CNNM4: variants seen among roughly 807,000 people sequenced by gnomAD.
The protein encoded by CNNM4 is metal transporter CNNM4.
CNNM4 carries 32 observed loss-of-function variants against 53.7 expected under a neutral mutation model. The observed-to-expected ratio is 0.60, with a 90% CI of 0.45 to 0.80. The LOEUF is 0.80. CNNM4 is among the 30% of genes least tolerant of loss of function. The pLI, the probability that CNNM4 is intolerant of heterozygous loss-of-function variation, is 0.00. For synonymous variants in CNNM4, 410 were observed against 440.0 expected (o/e 0.93, Z 0.85); for missense variants, 784 against 1,022.0 (o/e 0.77, Z 3.17).
chr2:96,785,144 C>T (rs933377756), intron 1 of CNNM4, among the ~76,000 whole-genome samples: 3 of 152,068 alleles, frequency 2.0e-5, no homozygotes, highest in African/African-American at 7.2e-5. Flanking sequence ...TCCCAACGTG[C>T]TGGGATTACA....
chr2:96,771,293 C>CT lies in CNNM4; in HGVS notation c.1402+8907dup, dbSNP rs570663726. ...GCTTATTCCACTGTTAGATGATTTT[C>CT]TTTTTTTTTTTTTTTATTTTGTTAT... On this transcript the variant is annotated intron_variant, in intron 1 of 6. Transcript: ENST00000377075. 5.2e-3 allele frequency among the ~76,000 whole-genome samples: 725 copies of CT among 138,208 alleles called. 5 individuals carry two copies. Among genetic ancestry groups the CT allele is most frequent in the African/African-American group, 0.012 (469 of 38,064 alleles). The allele number at this position is 138,208 out of a possible 152,430, so 90.7% of individuals were successfully genotyped here.
chr2:96,782,651 C>G (rs1484537571), intron 1 of CNNM4, among the ~76,000 whole-genome samples: 1 of 152,076 alleles, frequency 6.6e-6, no homozygotes, highest in Non-Finnish European at 1.5e-5. Flanking sequence ...TAGTTTTCCT[C>G]TCTGTTTGAC....
chr2:96,763,525 A>G (rs568825280), intron 1 of CNNM4, among the ~76,000 whole-genome samples: 5 of 152,312 alleles, frequency 3.3e-5, no homozygotes, highest in African/African-American at 1.2e-4. Context: ...CCCAGCCTTC[A>G]TTCCCATAGG....
rs373487333 is a variant in CNNM4, at chr2:96,761,532, G to A, written c.533G>A (p.Arg178Lys). 62 of 1,613,966 alleles carry A rather than the reference G, an allele frequency of 3.8e-5. No homozygotes were observed. The highest frequency in any genetic ancestry group is 5.0e-5 in the Non-Finnish European group (59 of 1,179,952). ...CTCTTCATGGTGGAGGAGCCTGGGA[G>A]GTTCCTGCCTCTCTGGCTGCACATT... ...SLLFMVEEPGRFLPLWLHILL... is the reference protein window; with the variant it reads ...SLLFMVEEPGKFLPLWLHILL... The change falls in exon 1 of 7, where the codon AGG (arginine) becomes AAG (lysine). Residue 178 changes from arginine (R) to lysine (K), a missense_variant. Physicochemically the swap from Arg to Lys is conservative, Grantham distance 26. Coordinates refer to ENST00000377075, the MANE Select transcript of CNNM4 (RefSeq NM_020184.4). This position sits in a 1 kb window ranked among gnomAD's most constrained non-coding sequence, Gnocchi z 6.0.
rs2079237956 is a variant in CNNM4 at position 96,809,435 on chromosome 2, T to C, written c.2246T>C (p.Leu749Pro). The C allele has an allele frequency of 1.9e-6, 3 of 1,614,198 alleles. No individual in the cohort carries two copies. In the East Asian group the frequency reaches 6.7e-5, roughly 36 times the overall value. The stretch of plus-strand genomic sequence containing the variant: ...GAGAACTTGGCCGAGAAGTCTGAGC[T>C]GCCTGTGGTGGACGAGACCACAACT... ...HMENLAEKSE[L>P]PVVDETTTLL... The change falls in exon 7 of 7, where the codon CTG becomes CCG. Residue 749 changes from leucine (L) to proline (P), a missense_variant. Transcript: ENST00000377075.
At chr2:96,777,284 G>C (rs1303630894) in intron 1 of CNNM4, among the ~76,000 whole-genome samples, 2 of 152,134 alleles carry the variant, frequency 1.3e-5, no homozygotes, top group Non-Finnish European at 2.9e-5. Context: ...CTCCCAAAGT[G>C]CTGGGATTAC....
Position 96,811,207 on chromosome 2 carries a change from G to A in CNNM4, c.*1690G>A, listed in dbSNP as rs2079254488. On this transcript the variant is annotated 3_prime_UTR_variant, in exon 7 of 7. Coordinates refer to ENST00000377075, the MANE Select transcript of CNNM4 (RefSeq NM_020184.4). ...ACTCCTGGAAGCCTGGAGAGAAGGT[G>A]GTGACACCCATGGGTTCTCAACTGT... The A allele has an allele frequency of 6.6e-6, 1 of 152,278 alleles. No individual in the cohort carries two copies. Among genetic ancestry groups the A allele is most frequent in the Non-Finnish European group, 1.5e-5 (1 of 68,086 alleles). 9.4% of individuals were successfully genotyped at this position (152,278 alleles called of 1,614,324 possible). A position where few individuals can be genotyped will look rare whatever the true frequency, so the allele number is the denominator to read the frequency against.
intron 5 of CNNM4, among the ~76,000 whole-genome samples, chr2:96,805,281 GAAACTAT>G (rs920909603): frequency 3.3e-5 from 5 of 151,758 alleles, no homozygotes; most frequent in Non-Finnish European, 5.9e-5. Context: ...AGTTTCCTGA[GAAACTAT>G]AAACTATAAA....
intron 5 of CNNM4, among the ~76,000 whole-genome samples, chr2:96,807,391 G>GCA (rs1337692693): frequency 1.3e-5 from 2 of 152,094 alleles, no homozygotes; most frequent in African/African-American, 4.8e-5. Flanking sequence ...GCGAGGTTGA[G>GCA]GCAGGCGGAT....
At position 96,761,175 on chromosome 2, in the gene CNNM4, G is replaced by A; in HGVS notation, c.176G>A (p.Gly59Glu). Residue 59 changes from glycine (G) to glutamate (E), a missense_variant, in exon 1 of 7, where the codon GGG becomes GAG. Transcript: ENST00000377075. This position sits in a 1 kb window ranked among gnomAD's most constrained non-coding sequence, Gnocchi z 6.0. ...CTGGCGAGCTGCAACAAGTCGTGTG[G>A]GACGAACCCGGATGGCATCATCTTC... ...MRLASCNKSC[G>E]TNPDGIIFVS... 6.2e-7 allele frequency: 1 copy of A among 1,612,998 alleles called. No individual in the cohort carries two copies. Among genetic ancestry groups the A allele is most frequent in the South Asian group, 1.1e-5 (1 of 91,022 alleles).
In CNNM4 at chr2:96,777,315, G is replaced by A. The variant is rs373225579; in HGVS notation, c.1402+14914G>A. ...ATTACAGGCGTGAGCCACTGCGCCC[G>A]GCCTGTTGCCTGTTTTCTAGGAGGT... On this transcript the variant is annotated intron_variant, in intron 1 of 6. Coordinates refer to ENST00000377075, the MANE Select transcript of CNNM4 (RefSeq NM_020184.4). Among the ~76,000 whole-genome samples the A allele has an allele frequency of 1.3e-4, 20 of 152,180 alleles. No homozygotes were observed. The East Asian group carries it at 3.3e-3, about 25-fold the overall frequency.
rs899067019 is a variant in CNNM4, at chr2:96,772,258, A to G, written c.1402+9857A>G. On this transcript the variant is annotated intron_variant, in intron 1 of 6. Coordinates refer to ENST00000377075, the MANE Select transcript of CNNM4 (RefSeq NM_020184.4). ...CAAAGGCACAGGCAGGCGCTTACAC[A>G]CCCCATGCGCGCACACACACTCATA... Among the ~76,000 whole-genome samples, 8 of 119,542 alleles carry G rather than the reference A, an allele frequency of 6.7e-5. No homozygotes were observed. The Admixed American group carries it at 6.9e-4, about 10-fold the overall frequency. The allele number at this position is 119,542 out of a possible 152,430, so 78.4% of individuals were successfully genotyped here.
chr2:96,763,170 G>A (rs577218170), intron 1 of CNNM4, among the ~76,000 whole-genome samples: 20 of 152,294 alleles, frequency 1.3e-4, no homozygotes, highest in African/African-American at 4.3e-4. Context: ...TGGCGCCAGC[G>A]TAAGCTTCCC....
chr2:96,780,088 C>T (rs1487997004), intron 1 of CNNM4, among the ~76,000 whole-genome samples: 1 of 152,118 alleles, frequency 6.6e-6, no homozygotes, highest in Non-Finnish European at 1.5e-5. Flanking sequence ...GCAGGAGCCA[C>T]CGCGCCTGGC....
intron 1 of CNNM4, among the ~76,000 whole-genome samples, chr2:96,773,319 G>A (rs1478009748): frequency 6.6e-6 from 1 of 152,160 alleles, no homozygotes; most frequent in African/African-American, 2.4e-5. Flanking sequence ...AGGCGTGCAA[G>A]GTGCCGAGCC....
rs996034497 is a variant in CNNM4, at chr2:96,771,692, C to T, written c.1402+9291C>T. 5.4e-5 allele frequency among the ~76,000 whole-genome samples: 8 copies of T among 147,278 alleles called. No homozygotes were observed. In the East Asian group the frequency reaches 7.9e-4, roughly 15 times the overall value. On this transcript the variant is annotated intron_variant, in intron 1 of 6. Transcript: ENST00000377075. ...TCGTGCCACTGCACTCCAGCCTGGG[C>T]GACAGAGCCACACTCCATCTCAAAA... is the stretch of plus-strand genomic sequence containing the variant.
At chr2:96,807,238 G>A (rs2079217474) in intron 5 of CNNM4, among the ~76,000 whole-genome samples, 3 of 152,056 alleles carry the variant, frequency 2.0e-5, no homozygotes, top group African/African-American at 4.8e-5. Context: ...CTTGAACTCC[G>A]GCTCAAGCAA....
intron 1 of CNNM4, among the ~76,000 whole-genome samples, chr2:96,779,764 A>G (rs2078957099): frequency 2.0e-5 from 3 of 151,460 alleles, no homozygotes; most frequent in South Asian, 4.2e-4. Flanking sequence ...TGGGAATTTT[A>G]TGGAATTGCA....
intron 1 of CNNM4, among the ~76,000 whole-genome samples, chr2:96,796,121 C>T (rs2079100937): frequency 7.2e-6 from 1 of 139,670 alleles, no homozygotes; most frequent in African/African-American, 2.6e-5. Context: ...TAAGTGATAC[C>T]AGACAGGGTC....
Sources: gnomAD v4.1 joint callset for allele counts (sites outside exome capture counted in the v4.1 genomes callset) on GRCh38, gnomAD v4.1.1 for gene constraint, Gnocchi (gnomAD v3.1) non-coding constraint, MANE v1.5 for transcripts, NCBI Gene and HGNC (gene_info 2026-07-23, HGNC 2026-07-21) for gene names.